GRM1: variants seen among roughly 807,000 people sequenced by gnomAD.
GRM1 encodes glutamate metabotropic receptor 1, also known as metabotropic glutamate receptor 1.
GRM1 carries 33 observed loss-of-function variants against 90.9 expected under a neutral mutation model. That is an observed-to-expected ratio of 0.36 (90% CI 0.28 to 0.49). GRM1 has a LOEUF of 0.49. Ranked by LOEUF, GRM1 falls within the 20% of genes least tolerant of loss-of-function variation. The probability of loss-of-function intolerance (pLI) is 0.99; values close to 1 mark genes in which losing one functional copy is unlikely to be tolerated. For missense variants in GRM1, 1,190 were observed against 1,534.3 expected (o/e 0.78, Z 3.75); for synonymous variants, 700 against 613.2 (o/e 1.14, Z -2.09).
At position 146,296,214 on chromosome 6, in the gene GRM1, T is replaced by C. The variant is rs1001342095; in HGVS notation, c.951-8397T>C. On this transcript the variant is annotated intron_variant, in intron 2 of 7. Coordinates refer to ENST00000282753, the MANE Select transcript of GRM1 (RefSeq NM_001278064.2). ...TGTGTCTTTATGGTAGAATGATTTATATTCCTCTAGATATATACCCAGTAA... is the reference window on the plus strand; with the variant it reads ...TGTGTCTTTATGGTAGAATGATTTACATTCCTCTAGATATATACCCAGTAA... Among the ~76,000 whole-genome samples, 3 of 152,244 alleles carry C rather than the reference T, an allele frequency of 2.0e-5. No homozygotes were observed. The East Asian group carries it at 5.8e-4, about 29-fold the overall frequency.
At chr6:146,238,313 G>T (rs1372790555) in intron 2 of GRM1, among the ~76,000 whole-genome samples, 10 of 152,116 alleles carry the variant, frequency 6.6e-5, no homozygotes, top group Admixed American at 6.6e-4. Context: ...TAAGTGGACA[G>T]TTGTTTGCAT....
intron 2 of GRM1, among the ~76,000 whole-genome samples, chr6:146,191,582 G>C (rs1317871410): frequency 1.3e-5 from 2 of 152,076 alleles, no homozygotes; most frequent in Non-Finnish European, 2.9e-5. Flanking sequence ...CATCTACAAG[G>C]GGTCACACTT....
At chr6:146,175,038 A>G (rs1778289311) in intron 2 of GRM1, among the ~76,000 whole-genome samples, 2 of 152,320 alleles carry the variant, frequency 1.3e-5, no homozygotes, top group Admixed American at 6.5e-5. Context: ...AGTCTTTGGT[A>G]ACTAATTGTG....
At chr6:146,363,824 T>C (rs1011288425) in intron 5 of GRM1, among the ~76,000 whole-genome samples, 5 of 152,238 alleles carry the variant, frequency 3.3e-5, no homozygotes, top group Admixed American at 1.3e-4. Flanking sequence ...CACTTTGCAG[T>C]GATCGAAACA....
intron 2 of GRM1, among the ~76,000 whole-genome samples, chr6:146,170,836 T>G (rs184087751): frequency 6.6e-6 from 1 of 152,086 alleles, no homozygotes; most frequent in African/African-American, 2.4e-5. Context: ...CACTTTTTTT[T>G]AAAAAAATCT....
chr6:146,124,216 G>T (rs377577434), intron 1 of GRM1, among the ~76,000 whole-genome samples: 3 of 152,050 alleles, frequency 2.0e-5, no homozygotes, highest in Non-Finnish European at 4.4e-5. Context: ...TTCCAAAATC[G>T]TACTTTTCCA....
intron 1 of GRM1, among the ~76,000 whole-genome samples, chr6:146,052,862 A>G (rs775492035): frequency 2.6e-5 from 4 of 151,906 alleles, no homozygotes; most frequent in Non-Finnish European, 5.9e-5. Flanking sequence ...TTCTTTACAT[A>G]TTTGTTGTTA....
intron 2 of GRM1, among the ~76,000 whole-genome samples, chr6:146,224,853 G>A (rs1461681149): frequency 2.0e-5 from 3 of 152,026 alleles, no homozygotes; most frequent in Non-Finnish European, 4.4e-5. Context: ...AACATAAAAG[G>A]TCTTCTTTGA....
chr6:146,411,297 A>G (rs765624612), intron 7 of GRM1, among the ~76,000 whole-genome samples: 14 of 152,204 alleles, frequency 9.2e-5, no homozygotes, highest in Non-Finnish European at 1.5e-4. Flanking sequence ...AGGCTGATGG[A>G]TTAGAGCAGT....
At chr6:146,264,189 G>A (rs1184410664) in intron 2 of GRM1, among the ~76,000 whole-genome samples, 1 of 152,090 alleles carries the variant, frequency 6.6e-6, no homozygotes, top group African/African-American at 2.4e-5. Flanking sequence ...AATACATTCA[G>A]TTTGAGGACT....
chr6:146,336,101 G>C (rs1784763353), intron 3 of GRM1, among the ~76,000 whole-genome samples: 1 of 152,140 alleles, frequency 6.6e-6, no homozygotes, highest in Non-Finnish European at 1.5e-5. Context: ...CCAGTCTTGG[G>C]TATGTCTCTA....
chr6:146,197,319 A>G (rs909138513), intron 2 of GRM1, among the ~76,000 whole-genome samples: 1 of 152,224 alleles, frequency 6.6e-6, no homozygotes, highest in Non-Finnish European at 1.5e-5. Flanking sequence ...ACAAAATTAA[A>G]CAAGTTTCTT....
intron 2 of GRM1, among the ~76,000 whole-genome samples, chr6:146,205,496 A>G (rs1471971711): frequency 6.6e-6 from 1 of 152,156 alleles, no homozygotes; most frequent in Admixed American, 6.5e-5. Context: ...CAACGGAAAT[A>G]ACATGGTGAA....
intron 1 of GRM1, among the ~76,000 whole-genome samples, chr6:146,125,784 A>T (rs1288120198): frequency 6.6e-6 from 1 of 151,932 alleles, no homozygotes; most frequent in Non-Finnish European, 1.5e-5. Context: ...CAGAATTCTT[A>T]GTAGTGGTCA....
chr6:146,256,510 C>T (rs970337089), intron 2 of GRM1, among the ~76,000 whole-genome samples: 7 of 152,116 alleles, frequency 4.6e-5, no homozygotes, highest in Non-Finnish European at 7.4e-5. Flanking sequence ...CCTTTATGCC[C>T]GAAATTTTGT....
intron 2 of GRM1, among the ~76,000 whole-genome samples, chr6:146,219,645 G>C (rs919319791): frequency 1.6e-4 from 24 of 151,576 alleles, no homozygotes; most frequent in African/African-American, 5.6e-4. Flanking sequence ...ATATAGTGAA[G>C]ATTAAGTATT....
At chr6:146,230,389 A>C (rs1230330499) in intron 2 of GRM1, among the ~76,000 whole-genome samples, 1 of 152,196 alleles carries the variant, frequency 6.6e-6, no homozygotes, top group Non-Finnish European at 1.5e-5. Context: ...AGGTATACAG[A>C]TGGCAAATAA....
intron 2 of GRM1, among the ~76,000 whole-genome samples, chr6:146,298,070 T>C (rs1783245053): frequency 1.3e-5 from 2 of 152,196 alleles, no homozygotes; most frequent in Middle Eastern, 3.2e-3. Context: ...CAGCCAGGCA[T>C]GATTGCCAAG....
chr6:146,110,833 C>G (rs145933510), intron 1 of GRM1, among the ~76,000 whole-genome samples: 1 of 152,202 alleles, frequency 6.6e-6, no homozygotes, highest in African/African-American at 2.4e-5. Flanking sequence ...TACCTAGTTA[C>G]TGACATTTAT....
Sources: allele counts gnomAD v4.1 joint callset (sites outside exome capture counted in the v4.1 genomes callset), GRCh38; gene constraint gnomAD v4.1.1; transcripts MANE v1.5; gene names NCBI Gene and HGNC (gene_info 2026-07-23, HGNC 2026-07-21).